Variants in GSK3B observed in about 807,000 individuals in gnomAD.
The protein encoded by GSK3B is glycogen synthase kinase-3 beta.
GSK3B carries 15 observed loss-of-function variants against 56.4 expected under a neutral mutation model. The ratio of observed to expected loss-of-function variants is 0.27; its 90% CI spans 0.18 to 0.41. The LOEUF (loss-of-function observed/expected upper bound fraction) is 0.41. Ranked by LOEUF, GSK3B falls within the 10% of genes least tolerant of loss-of-function variation. GSK3B has a pLI of 1.00. For missense variants in GSK3B, 300 were observed against 513.4 expected (o/e 0.58, Z 4.02); for synonymous variants, 181 against 188.9 (o/e 0.96, Z 0.34).
rs527677733 is a variant in GSK3B, at chr3:120,040,269, G to A, written c.89-38030C>T. 2.1e-4 allele frequency among the ~76,000 whole-genome samples: 32 copies of A among 152,346 alleles called. No individual in the cohort carries two copies. The East Asian group carries it at 5.8e-3, about 28-fold the overall frequency. ...CTGTGCAGAGTGAGTGGGTCCTATCGGCAGTTCCGTGGTCACCTCATACAG... is the reference window on the plus strand; with the variant it reads ...CTGTGCAGAGTGAGTGGGTCCTATCAGCAGTTCCGTGGTCACCTCATACAG... On this transcript the variant is annotated intron_variant, in intron 1 of 10. Transcript: ENST00000264235.
intron 9 of GSK3B, among the ~76,000 whole-genome samples, chr3:119,851,610 TA>T (rs1180282816): frequency 6.6e-6 from 1 of 152,192 alleles, no homozygotes; most frequent in Non-Finnish European, 1.5e-5. Flanking sequence ...AGTGATGTAA[TA>T]AAATACTTAG....
chr3:119,845,287 A>G lies in GSK3B; in HGVS notation c.1097-1934T>C, dbSNP rs534103470. Among the ~76,000 whole-genome samples the G allele has an allele frequency of 2.8e-4, 42 of 152,352 alleles. 1 individual carries two copies. The highest frequency in any genetic ancestry group is 2.5e-3 in the Admixed American group (39 of 15,304). On this transcript the variant is annotated intron_variant, in intron 9 of 10. Transcript: ENST00000264235. ...AAGGGTGCCCTCTCTCACCACTCCT[A>G]TTCAACATAGTATTGGAAGTTCTGG...
In GSK3B at chr3:119,826,553, A is replaced by T; in HGVS notation, c.*235T>A. The T allele has an allele frequency of 2.7e-6, 1 of 376,024 alleles. No homozygotes were observed. The highest frequency in any genetic ancestry group is 2.1e-5 in the South Asian group (1 of 48,372). The allele number at this position is 376,024 out of a possible 1,614,324, so 23.3% of individuals were successfully genotyped here. A position where few individuals can be genotyped will look rare whatever the true frequency, so the allele number is the denominator to read the frequency against. Reference sequence around the variant, plus strand: ...CTAGTGCTCCGCTTTCCCCCTCCCCACAACCCCTCCCACCCCCTGGATCTC... The same window carrying T: ...CTAGTGCTCCGCTTTCCCCCTCCCCTCAACCCCTCCCACCCCCTGGATCTC... On this transcript the variant is annotated 3_prime_UTR_variant, in exon 11 of 11. Coordinates refer to ENST00000264235, the MANE Select transcript of GSK3B (RefSeq NM_001146156.2).
intron 7 of GSK3B, among the ~76,000 whole-genome samples, chr3:119,898,423 G>C (rs933427383): frequency 2.0e-5 from 3 of 152,118 alleles, no homozygotes; most frequent in Admixed American, 6.6e-5. Context: ...GGTTGAAACA[G>C]AATTAAACCT....
intron 1 of GSK3B, among the ~76,000 whole-genome samples, chr3:120,014,816 C>T (rs748074083): frequency 6.6e-6 from 1 of 152,124 alleles, no homozygotes; most frequent in Middle Eastern, 3.4e-3. Context: ...GGCTGGCTTC[C>T]GGAGATGTTT....
chr3:119,964,931 A>G (rs939276367), intron 2 of GSK3B, among the ~76,000 whole-genome samples: 4 of 152,070 alleles, frequency 2.6e-5, no homozygotes, highest in African/African-American at 9.7e-5. Context: ...TATACCAATT[A>G]TATCTCAATA....
intron 7 of GSK3B, among the ~76,000 whole-genome samples, chr3:119,904,027 G>A (rs2056654303): frequency 6.6e-6 from 1 of 152,018 alleles, no homozygotes; most frequent in Non-Finnish European, 1.5e-5. Context: ...TTAAGAGAAA[G>A]GTTATATTTC....
chr3:120,016,320 C>T (rs1406532566), intron 1 of GSK3B, among the ~76,000 whole-genome samples: 1 of 152,144 alleles, frequency 6.6e-6, no homozygotes. Flanking sequence ...CCAGCTACCA[C>T]ACTTGAAGAG....
At chr3:119,998,233 A>G (rs765379539) in intron 2 of GSK3B, among the ~76,000 whole-genome samples, 2 of 152,174 alleles carry the variant, frequency 1.3e-5, no homozygotes, top group African/African-American at 2.4e-5. Flanking sequence ...CACCAATATT[A>G]GGTTAGAAAA....
intron 3 of GSK3B, among the ~76,000 whole-genome samples, chr3:119,938,962 T>C (rs1391083797): frequency 1.3e-5 from 2 of 151,492 alleles, no homozygotes; most frequent in African/African-American, 2.4e-5. Flanking sequence ...CTGCTGAGAA[T>C]TACACAACCT....
At chr3:119,971,167 A>G (rs1054021580) in intron 2 of GSK3B, among the ~76,000 whole-genome samples, 3 of 152,218 alleles carry the variant, frequency 2.0e-5, no homozygotes, top group African/African-American at 7.2e-5. Context: ...CAATCTAGGA[A>G]GTTTTGGACC....
intron 9 of GSK3B, among the ~76,000 whole-genome samples, chr3:119,843,828 T>C (rs1186524474): frequency 6.6e-6 from 1 of 152,124 alleles, no homozygotes; most frequent in Non-Finnish European, 1.5e-5. Flanking sequence ...GTTCTGTAGA[T>C]AGACATCTAC....
chr3:119,883,177 AT>A (rs1419538727), intron 7 of GSK3B, among the ~76,000 whole-genome samples: 2 of 152,100 alleles, frequency 1.3e-5, no homozygotes, highest in Non-Finnish European at 2.9e-5. Context: ...TTCTTACTGT[AT>A]TTTAAATCTT....
intron 7 of GSK3B, among the ~76,000 whole-genome samples, chr3:119,881,035 CATA>C (rs2056373401): frequency 6.6e-6 from 1 of 152,026 alleles, no homozygotes; most frequent in South Asian, 2.1e-4. Flanking sequence ...CAACATTGTT[CATA>C]ATAATAAAAT....
intron 9 of GSK3B, among the ~76,000 whole-genome samples, chr3:119,850,443 GTTAC>G (rs991904430): frequency 3.9e-5 from 6 of 152,128 alleles, no homozygotes; most frequent in African/African-American, 1.4e-4. Context: ...GTTGTTAACT[GTTAC>G]TTACAACTTT....
intron 7 of GSK3B, among the ~76,000 whole-genome samples, chr3:119,893,192 G>A (rs1264355033): frequency 6.6e-6 from 1 of 151,972 alleles, no homozygotes; most frequent in Admixed American, 6.6e-5. Flanking sequence ...ATTTTTAATA[G>A]AGATGAAGCT....
intron 9 of GSK3B, among the ~76,000 whole-genome samples, chr3:119,851,383 A>G (rs1192806761): frequency 2.0e-5 from 3 of 152,210 alleles, no homozygotes; most frequent in East Asian, 1.9e-4. Context: ...ATTTGCCTTA[A>G]AAGTTTCTAT....
chr3:119,916,295 C>T, intron 4 of GSK3B, 121 bp from the exon 5 acceptor site: 1 of 730,774 alleles, frequency 1.4e-6, no homozygotes, highest in Non-Finnish European at 2.2e-6. Flanking sequence ...GGATTACTGG[C>T]ACTCAATCTT....
chr3:119,876,892 G>A (rs995308246), intron 7 of GSK3B, among the ~76,000 whole-genome samples: 2 of 152,154 alleles, frequency 1.3e-5, no homozygotes, highest in Admixed American at 6.6e-5. Flanking sequence ...GATACAGCAC[G>A]AAGGCCATCA....
Sources: allele counts gnomAD v4.1 joint callset (sites outside exome capture counted in the v4.1 genomes callset), GRCh38; gene constraint gnomAD v4.1.1; transcripts MANE v1.5; gene names NCBI Gene and HGNC (gene_info 2026-07-23, HGNC 2026-07-21).